ITGB8: variants seen among roughly 807,000 people sequenced by gnomAD.
ITGB8 encodes integrin beta-8.
ITGB8 carries 30 observed loss-of-function variants against 89.5 expected under a neutral mutation model. That is an observed-to-expected ratio of 0.34 (90% CI 0.25 to 0.45). The LOEUF (loss-of-function observed/expected upper bound fraction) is 0.45, where lower values mean the gene tolerates loss of function less well. Ranked by LOEUF, ITGB8 falls within the 20% of genes least tolerant of loss-of-function variation. ITGB8 has a pLI of 1.00. For synonymous variants in ITGB8, 335 were observed against 320.4 expected (o/e 1.05, Z -0.49); for missense variants, 836 against 933.3 (o/e 0.90, Z 1.36).
chr7:20,388,135 C>G (rs1366696728), intron 6 of ITGB8, among the ~76,000 whole-genome samples: 1 of 152,174 alleles, frequency 6.6e-6, no homozygotes, highest in Non-Finnish European at 1.5e-5. Context: ...AAAATTGCCC[C>G]CAATGAATCT....
intron 7 of ITGB8, among the ~76,000 whole-genome samples, chr7:20,393,333 G>C (rs974223876): frequency 8.5e-5 from 13 of 152,258 alleles, no homozygotes; most frequent in African/African-American, 3.1e-4. Context: ...GAATCAACTG[G>C]CTCCAAAGCC....
chr7:20,401,165 G>C (rs150356784), intron 9 of ITGB8, among the ~76,000 whole-genome samples: 1 of 151,978 alleles, frequency 6.6e-6, no homozygotes, highest in East Asian at 1.9e-4. Context: ...TTTTAGTAGA[G>C]ATAGGGTTTC....
rs1343437962 is a variant in ITGB8, at chr7:20,414,723, A to G, written c.*4726A>G. ...TATGTAACGACTGTTATAAAACTGC[A>G]TATTTAAATTATTTGAATTATATGA... On this transcript the variant is annotated 3_prime_UTR_variant, in exon 14 of 14. Coordinates refer to ENST00000222573, the MANE Select transcript of ITGB8 (RefSeq NM_002214.3). 1 of 152,598 alleles carries G rather than the reference A, an allele frequency of 6.6e-6. No homozygotes were observed. Among genetic ancestry groups the G allele is most frequent in the African/African-American group, 2.4e-5 (1 of 41,454 alleles). 9.5% of individuals were successfully genotyped at this position (152,598 alleles called of 1,614,324 possible).
intron 1 of ITGB8, among the ~76,000 whole-genome samples, chr7:20,338,703 C>T (rs1320272767): frequency 6.6e-6 from 1 of 152,074 alleles, no homozygotes; most frequent in Non-Finnish European, 1.5e-5. Flanking sequence ...GAGACCATTG[C>T]ATAAGGTAGT....
At position 20,398,998 on chromosome 7, in the gene ITGB8, T is replaced by C. The variant is rs192858261; in HGVS notation, c.1281+4T>C. On this transcript the variant is annotated splice_donor_region_variant and intron_variant, in intron 9 of 13. Coordinates refer to ENST00000222573, the MANE Select transcript of ITGB8 (RefSeq NM_002214.3). Reference sequence around the variant, plus strand: ...AAACGTGACGAGCAATGATGAAGTATGTGGGTGTGCATTTTTCCCTTTTAA... The same window carrying C: ...AAACGTGACGAGCAATGATGAAGTACGTGGGTGTGCATTTTTCCCTTTTAA... 37 of 1,610,926 alleles carry C rather than the reference T, an allele frequency of 2.3e-5. No individual in the cohort carries two copies. In the African/African-American group the frequency reaches 4.1e-4, roughly 18 times the overall value.
At chr7:20,335,304 C>T (rs1269270739) in intron 1 of ITGB8, among the ~76,000 whole-genome samples, 1 of 152,208 alleles carries the variant, frequency 6.6e-6, no homozygotes, top group Non-Finnish European at 1.5e-5. Context: ...GGGAAAGACA[C>T]AGTTTCAACC....
At chr7:20,360,577 C>G (rs1245679750) in intron 1 of ITGB8, among the ~76,000 whole-genome samples, 1 of 152,086 alleles carries the variant, frequency 6.6e-6, no homozygotes, top group Non-Finnish European at 1.5e-5. Flanking sequence ...TTAGCTCTCA[C>G]TTGTAAGTAA....
intron 3 of ITGB8, among the ~76,000 whole-genome samples, chr7:20,374,007 T>C (rs1786035818): frequency 1.3e-5 from 2 of 152,184 alleles, no homozygotes; most frequent in South Asian, 4.1e-4. Context: ...CATGTCTTCT[T>C]TCTAATTCTG....
rs769475004 is a variant in ITGB8, at chr7:20,414,138, T to C, written c.*4141T>C. The C allele has an allele frequency of 2.4e-4, 36 of 152,164 alleles. No individual in the cohort carries two copies. The highest frequency in any genetic ancestry group is 4.4e-4 in the Non-Finnish European group (30 of 67,984). 9.4% of individuals were successfully genotyped at this position (152,164 alleles called of 1,614,324 possible). A position where few individuals can be genotyped will look rare whatever the true frequency, so the allele number is the denominator to read the frequency against. On this transcript the variant is annotated 3_prime_UTR_variant, in exon 14 of 14. Coordinates refer to ENST00000222573, the MANE Select transcript of ITGB8 (RefSeq NM_002214.3). ...GTGTTTAAAATTATGCTTGAATAAATATTACACTAATCCAACTTTACCTAA... is the reference window on the plus strand; with the variant it reads ...GTGTTTAAAATTATGCTTGAATAAACATTACACTAATCCAACTTTACCTAA...
intron 10 of ITGB8, among the ~76,000 whole-genome samples, chr7:20,402,498 T>A (rs1404147027): frequency 6.6e-6 from 1 of 152,200 alleles, no homozygotes; most frequent in Non-Finnish European, 1.5e-5. Flanking sequence ...AAATGGTCAC[T>A]CCCTCCAACT....
chr7:20,342,191 G>T (rs767791164), intron 1 of ITGB8, among the ~76,000 whole-genome samples: 9 of 152,154 alleles, frequency 5.9e-5, no homozygotes, highest in Non-Finnish European at 1.2e-4. Context: ...GTAAGAATTG[G>T]CCTCCAAGTT....
chr7:20,404,678 G>C lies in ITGB8; in HGVS notation c.1738G>C (p.Gly580Arg). 6.2e-7 allele frequency: 1 copy of C among 1,614,028 alleles called. No homozygotes were observed. Among genetic ancestry groups the C allele is most frequent in the Non-Finnish European group, 8.5e-7 (1 of 1,179,980 alleles). The stretch of plus-strand genomic sequence containing the variant: ...ATGCCAATGCTTCAGTGGCTGGGAA[G>C]GTGATCGATGCCAGTGCCCTTCAGC... ...GRCQCFSGWE[G>R]DRCQCPSAAA... The change falls in exon 11 of 14, where the codon GGT becomes CGT. Residue 580 changes from glycine to arginine, a missense_variant. Gly to Arg is a moderately radical substitution (Grantham distance 125, BLOSUM62 -2). Around this residue, in one of 5 missense-constraint regions of ITGB8, gnomAD observed 422 missense variants for 416.9 expected, o/e 1.01. Coordinates refer to ENST00000222573, the MANE Select transcript of ITGB8 (RefSeq NM_002214.3).
intron 1 of ITGB8, 80 bp from the exon 2 acceptor site, chr7:20,363,557 C>T: frequency 2.8e-6 from 2 of 712,664 alleles, no homozygotes; most frequent in Non-Finnish European, 4.3e-6. Flanking sequence ...TTCAATTGTT[C>T]ATTTGTTTCA....
At chr7:20,400,559 G>A (rs1343537994) in intron 9 of ITGB8, among the ~76,000 whole-genome samples, 1 of 152,080 alleles carries the variant, frequency 6.6e-6, no homozygotes, top group Non-Finnish European at 1.5e-5. Flanking sequence ...ATTTTAAATT[G>A]TAATGGATCT....
chr7:20,355,493 C>T (rs1408961399), intron 1 of ITGB8, among the ~76,000 whole-genome samples: 1 of 152,194 alleles, frequency 6.6e-6, no homozygotes, highest in Non-Finnish European at 1.5e-5. Flanking sequence ...ACCTCCTTCT[C>T]TTCCAAATAC....
At chr7:20,390,492 A>T (rs980156752) in intron 6 of ITGB8, among the ~76,000 whole-genome samples, 1 of 152,074 alleles carries the variant, frequency 6.6e-6, no homozygotes, top group African/African-American at 2.4e-5. Context: ...TTTTATTTCA[A>T]TTTTCCTACT....
At chr7:20,361,647 C>T (rs1358196854) in intron 1 of ITGB8, among the ~76,000 whole-genome samples, 1 of 152,200 alleles carries the variant, frequency 6.6e-6, no homozygotes, top group African/African-American at 2.4e-5. Flanking sequence ...GGGGGACACA[C>T]TCAGACCACA....
chr7:20,387,419 G>T (rs1786669998), intron 6 of ITGB8, among the ~76,000 whole-genome samples: 1 of 152,160 alleles, frequency 6.6e-6, no homozygotes, highest in Admixed American at 6.5e-5. Context: ...AGATACTAGT[G>T]TTTATACCTG....
At position 20,380,852 on chromosome 7, in the gene ITGB8, G is replaced by A. The variant is rs41273084; in HGVS notation, c.801+21G>A. ...GTGAAGTAAGACGTTTCACATGATC[G>A]AGTGTTTGCTAAGATGCCAAACTTT... On this transcript the variant is annotated intron_variant, in intron 5 of 13. Coordinates refer to ENST00000222573, the MANE Select transcript of ITGB8 (RefSeq NM_002214.3). 0.023 allele frequency: 37,025 copies of A among 1,582,448 alleles called. 509 individuals carry two copies. Among genetic ancestry groups the A allele is most frequent in the Non-Finnish European group, 0.027 (31,445 of 1,163,798 alleles).
Sources: gnomAD v4.1 joint callset for allele counts (sites outside exome capture counted in the v4.1 genomes callset) on GRCh38, gnomAD v4.1.1 for gene constraint, gnomAD v4.1.1 regional missense constraint, MANE v1.5 for transcripts, NCBI Gene and HGNC (gene_info 2026-07-23, HGNC 2026-07-21) for gene names.